Variants in SPMAP1 observed in about 807,000 individuals in gnomAD.
SPMAP1 encodes the protein uncharacterized protein C17orf98.
the SPMAP1 span, chr17:38,837,318 G>A: frequency 1.0e-6 from 1 of 952,580 alleles, no homozygotes; most frequent in Middle Eastern, 2.1e-4. Context: ...AACTGCCCTG[G>A]GGTTTGCTGT....
chr17:38,835,438 G>A, the SPMAP1 span: 79 of 1,375,614 alleles, frequency 5.7e-5, 1 homozygote, highest in Non-Finnish European at 7.3e-5. Flanking sequence ...TGCCAACCAG[G>A]CGTAGTCACT....
chr17:38,835,464 G>A, the SPMAP1 span: 1 of 1,069,560 alleles, frequency 9.3e-7, no homozygotes, highest in Non-Finnish European at 1.4e-6. Context: ...TCCCCATGCT[G>A]AACACGCAAT....
chr17:38,840,970 G>A, the SPMAP1 span, among the ~76,000 whole-genome samples: 19 of 151,888 alleles, frequency 1.3e-4, no homozygotes, highest in Non-Finnish European at 1.5e-4. Flanking sequence ...CCCGGGAGGC[G>A]GAGGTTGCAG....
chr17:38,835,461 G>A, the SPMAP1 span: 2 of 1,083,128 alleles, frequency 1.8e-6, no homozygotes, highest in Non-Finnish European at 2.7e-6. Flanking sequence ...CATTCCCCAT[G>A]CTGAACACGC....
At chr17:38,835,194 A>C in the SPMAP1 span, 1 of 1,614,196 alleles carries the variant, frequency 6.2e-7, no homozygotes, top group Non-Finnish European at 8.5e-7. Flanking sequence ...TGCTGTTAGA[A>C]CAGAGGGAAG....
chr17:38,837,093 C>A, the SPMAP1 span: 7 of 1,346,034 alleles, frequency 5.2e-6, no homozygotes, highest in Admixed American at 6.7e-5. Flanking sequence ...CCAGGCCTTG[C>A]TATGGCCCAG....
At chr17:38,836,486 A>G in the SPMAP1 span, among the ~76,000 whole-genome samples, 3 of 151,966 alleles carry the variant, frequency 2.0e-5, no homozygotes, top group Admixed American at 1.3e-4. Context: ...TGTGGGCCCA[A>G]CTGCTCAGGA....
At chr17:38,836,136 G>A in the SPMAP1 span, among the ~76,000 whole-genome samples, 6 of 151,916 alleles carry the variant, frequency 3.9e-5, no homozygotes, top group Non-Finnish European at 8.8e-5. Flanking sequence ...GGCTGGTCTC[G>A]AACTCCTGAC....
the SPMAP1 span, among the ~76,000 whole-genome samples, chr17:38,836,229 T>C: frequency 8.6e-5 from 13 of 152,038 alleles, no homozygotes; most frequent in Admixed American, 3.3e-4. Flanking sequence ...GAGCAGACTA[T>C]TAATCCCAGC....
the SPMAP1 span, chr17:38,837,249 G>A: frequency 1.9e-6 from 3 of 1,599,518 alleles, no homozygotes; most frequent in South Asian, 3.3e-5. Context: ...TCCTGAAAGT[G>A]GGCAAGAGAA....
At chr17:38,837,480 C>A in the SPMAP1 span, among the ~76,000 whole-genome samples, 1 of 152,094 alleles carries the variant, frequency 6.6e-6, no homozygotes, top group African/African-American at 2.4e-5. Flanking sequence ...AGTTCGAGAC[C>A]AGCCTTGCCA....
chr17:38,840,617 C>CAAAAAAAAA, the SPMAP1 span, among the ~76,000 whole-genome samples: 45 of 48,722 alleles, frequency 9.2e-4, 5 homozygotes, highest in South Asian at 4.5e-3. Context: ...CCCCTCTCTA[C>CAAAAAAAAA]AAAAAAAAAA....
At chr17:38,835,858 G>A in the SPMAP1 span, among the ~76,000 whole-genome samples, 73 of 152,290 alleles carry the variant, frequency 4.8e-4, 1 homozygote, top group East Asian at 0.012. Flanking sequence ...CCTGGAAAAT[G>A]AGCAGGATGC....
At chr17:38,835,088 G>A in the SPMAP1 span, 4 of 1,261,220 alleles carry the variant, frequency 3.2e-6, no homozygotes, top group Non-Finnish European at 4.6e-6. Context: ...AGCACACGTG[G>A]AGACACAAAT....
the SPMAP1 span, among the ~76,000 whole-genome samples, chr17:38,837,626 C>A: frequency 2.8e-3 from 423 of 150,912 alleles, 3 homozygotes; most frequent in African/African-American, 9.7e-3. Context: ...TGCAGTGAAC[C>A]GAGATCCTGC....
At chr17:38,835,979 A>G in the SPMAP1 span, among the ~76,000 whole-genome samples, 1 of 152,046 alleles carries the variant, frequency 6.6e-6, no homozygotes, top group African/African-American at 2.4e-5. Context: ...CAATGGCGCA[A>G]TCTCGGATCA....
chr17:38,835,883 CAG>C, the SPMAP1 span, among the ~76,000 whole-genome samples: 6 of 152,150 alleles, frequency 3.9e-5, no homozygotes, highest in Non-Finnish European at 8.8e-5. Flanking sequence ...GTGAGGGGAA[CAG>C]GGGCTTCAGA....
chr17:38,839,322 C>A, the SPMAP1 span, among the ~76,000 whole-genome samples: 2 of 151,172 alleles, frequency 1.3e-5, no homozygotes, highest in Non-Finnish European at 2.9e-5. Flanking sequence ...CCAGCCTGGG[C>A]AACATGGTGA....
At chr17:38,840,573 G>A in the SPMAP1 span, among the ~76,000 whole-genome samples, 1 of 122,822 alleles carries the variant, frequency 8.1e-6, no homozygotes, top group South Asian at 2.7e-4. Context: ...GTGAGCCCAG[G>A]AGTTCAAGAC....
Sources: allele counts gnomAD v4.1 joint callset (sites outside exome capture counted in the v4.1 genomes callset), GRCh38; gene constraint gnomAD v4.1.1; transcripts MANE v1.5; gene names NCBI Gene and HGNC (gene_info 2026-07-23, HGNC 2026-07-21).